SCN2A: variants seen among roughly 807,000 people sequenced by gnomAD.
SCN2A encodes sodium voltage-gated channel alpha subunit 2, also known as sodium channel protein type 2 subunit alpha.
SCN2A carries 20 observed loss-of-function variants against 188.7 expected under a neutral mutation model. The ratio of observed to expected loss-of-function variants is 0.11; its 90% CI spans 0.07 to 0.15. SCN2A has a LOEUF of 0.15. SCN2A is among the 10% of genes least tolerant of loss of function. SCN2A has a pLI of 1.00. For synonymous variants in SCN2A, 804 were observed against 833.1 expected (o/e 0.97, Z 0.60); for missense variants, 1,278 against 2,445.0 (o/e 0.52, Z 10.07).
intron 1 of SCN2A, among the ~76,000 whole-genome samples, chr2:165,280,566 C>T (rs1350107807): frequency 2.6e-5 from 4 of 152,082 alleles, no homozygotes; most frequent in Non-Finnish European, 5.9e-5. Context: ...AGTTTACGTG[C>T]CCCCACCCAT....
intron 19 of SCN2A, 41 bp downstream of exon 19, chr2:165,367,412 A>G (rs763495389): frequency 2.6e-5 from 41 of 1,607,792 alleles, no homozygotes; most frequent in Middle Eastern, 1.6e-4. Flanking sequence ...TTCATCTGAA[A>G]TCTTTTCCCT....
chr2:165,380,536 T>C, intron 23 of SCN2A, 56 bp from the exon 24 acceptor site: 1 of 1,299,274 alleles, frequency 7.7e-7, no homozygotes, highest in Non-Finnish European at 1.1e-6. Flanking sequence ...CTCACTGATG[T>C]ACTTTTTGTG....
intron 16 of SCN2A, among the ~76,000 whole-genome samples, chr2:165,350,071 G>A (rs1699804964): frequency 2.0e-5 from 3 of 152,186 alleles, no homozygotes; most frequent in Admixed American, 6.5e-5. Context: ...ATTTTTATGA[G>A]CCATTCTTAG....
chr2:165,348,158 C>T (rs1486328888), intron 16 of SCN2A, among the ~76,000 whole-genome samples: 2 of 151,914 alleles, frequency 1.3e-5, no homozygotes, highest in Admixed American at 6.6e-5. Context: ...CAGTAGTTCG[C>T]GACCAGCCTA....
chr2:165,255,156 T>C (rs569430151), intron 1 of SCN2A, among the ~76,000 whole-genome samples: 5 of 152,016 alleles, frequency 3.3e-5, no homozygotes, highest in African/African-American at 9.6e-5. Context: ...TCTCATAACT[T>C]GTTTTGTGGT....
intron 1 of SCN2A, among the ~76,000 whole-genome samples, chr2:165,250,694 A>G (rs200788459): frequency 2.0e-5 from 3 of 152,016 alleles, no homozygotes; most frequent in East Asian, 3.9e-4. Context: ...TTATCTATCT[A>G]TCGTCAAGAA....
intron 1 of SCN2A, chr2:165,274,084 A>G (rs931039620): frequency 6.6e-6 from 1 of 152,198 alleles, no homozygotes; most frequent in Admixed American, 6.6e-5. Flanking sequence ...TACTTTTAAA[A>G]TTCACATGCA....
chr2:165,257,657 G>A (rs1694388256), intron 1 of SCN2A, among the ~76,000 whole-genome samples: 1 of 152,114 alleles, frequency 6.6e-6, no homozygotes, highest in Non-Finnish European at 1.5e-5. Flanking sequence ...TCCTGCCTCA[G>A]CCTCCCGAGT....
At chr2:165,328,126 T>C (rs923801998) in intron 13 of SCN2A, 1 of 152,202 alleles carries the variant, frequency 6.6e-6, no homozygotes, top group Non-Finnish European at 1.5e-5. Flanking sequence ...TCTTTTCCTG[T>C]CTGTATGCAA....
intron 1 of SCN2A, among the ~76,000 whole-genome samples, chr2:165,242,918 G>A (rs1481429257): frequency 6.6e-6 from 1 of 152,192 alleles, no homozygotes; most frequent in African/African-American, 2.4e-5. Context: ...TTTGTAAGAT[G>A]AAGTATCTCC....
intron 1 of SCN2A, among the ~76,000 whole-genome samples, chr2:165,286,786 T>C (rs73023723): frequency 0.016 from 2,502 of 152,276 alleles, 61 homozygotes; most frequent in African/African-American, 0.057. Context: ...CATTGAGGAT[T>C]TCTCTGGAAA....
At chr2:165,309,485 T>C (rs761097228) in intron 6 of SCN2A, 42 bp downstream of exon 6, 165 of 1,609,318 alleles carry the variant, frequency 1.0e-4, no homozygotes, top group Middle Eastern at 1.6e-4. Flanking sequence ...TTAGCTACAG[T>C]GGTGCTACAA....
intron 1 of SCN2A, among the ~76,000 whole-genome samples, chr2:165,280,430 G>A (rs1023725877): frequency 4.6e-5 from 7 of 152,074 alleles, no homozygotes; most frequent in African/African-American, 9.7e-5. Context: ...TTATCTCTGT[G>A]TCACTCTCCT....
intron 11 of SCN2A, 88 bp downstream of exon 11, chr2:165,315,846 C>G: frequency 1.5e-6 from 2 of 1,375,588 alleles, no homozygotes; most frequent in South Asian, 1.2e-5. Context: ...CCGCCTTCCA[C>G]CTGGATGGCA....
chr2:165,384,049 C>A (rs930480256), intron 25 of SCN2A, among the ~76,000 whole-genome samples: 1 of 151,872 alleles, frequency 6.6e-6, no homozygotes, highest in African/African-American at 2.4e-5. Context: ...ATAATTACGG[C>A]ATAAAAATGC....
chr2:165,290,720 A>G (rs1696056838), intron 1 of SCN2A: 3 of 970,928 alleles, frequency 3.1e-6, no homozygotes, highest in South Asian at 4.8e-5. Context: ...GACACTCATC[A>G]TAGAGATTTA....
At chr2:165,327,015 T>G in intron 13 of SCN2A, 31 bp downstream of exon 13, 1 of 1,613,186 alleles carries the variant, frequency 6.2e-7, no homozygotes, top group South Asian at 1.1e-5. Context: ...CACAGTTACT[T>G]GGTGCTTTGG....
At chr2:165,290,508 T>C (rs1465836385) in intron 1 of SCN2A, 2 of 152,294 alleles carry the variant, frequency 1.3e-5, no homozygotes, top group Admixed American at 1.3e-4. Context: ...GTAGGTACTA[T>C]GTGTAGATTT....
chr2:165,361,232 G>A (rs1055056501), intron 17 of SCN2A, among the ~76,000 whole-genome samples: 3 of 151,854 alleles, frequency 2.0e-5, no homozygotes, highest in African/African-American at 7.2e-5. Flanking sequence ...TTTTGTTCAT[G>A]TAATATTCCA....
Sources: gnomAD v4.1 joint callset for allele counts (sites outside exome capture counted in the v4.1 genomes callset) on GRCh38, gnomAD v4.1.1 for gene constraint, MANE v1.5 for transcripts, NCBI Gene and HGNC (gene_info 2026-07-23, HGNC 2026-07-21) for gene names.